GABRG3: variants seen among roughly 807,000 people sequenced by gnomAD.
GABRG3 encodes gamma-aminobutyric acid receptor subunit gamma-3.
Under a neutral mutation model 48.8 loss-of-function variants are expected in GABRG3, and 25 were observed. That is an observed-to-expected ratio of 0.51 (90% CI 0.37 to 0.72). The LOEUF (loss-of-function observed/expected upper bound fraction) is 0.72. GABRG3 is among the 30% of genes least tolerant of loss of function. The probability of loss-of-function intolerance (pLI) is 0.00; values close to 1 mark genes in which losing one functional copy is unlikely to be tolerated. For synonymous variants in GABRG3, 227 were observed against 217.6 expected (o/e 1.04, Z -0.38); for missense variants, 394 against 577.9 (o/e 0.68, Z 3.26).
chr15:27,229,729 G>A (rs1310127692), intron 3 of GABRG3, among the ~76,000 whole-genome samples: 2 of 151,918 alleles, frequency 1.3e-5, no homozygotes, highest in African/African-American at 2.4e-5. Context: ...TGCCCGCCTC[G>A]GACCCCCAAA....
rs1889970228 is a variant in GABRG3 at position 27,236,475 on chromosome 15, C to G, written c.271-90334C>G. Among the ~76,000 whole-genome samples, 1 of 152,210 alleles carries G rather than the reference C, an allele frequency of 6.6e-6. No individual in the cohort carries two copies. Among genetic ancestry groups the G allele is most frequent in the African/African-American group, 2.4e-5 (1 of 41,462 alleles). Reference sequence around the variant, plus strand: ...AGTGTACCCTTCCTCAGTAACCTTTCACCAGAATTCTCTCTAAGCAGGAAG... The same window carrying G: ...AGTGTACCCTTCCTCAGTAACCTTTGACCAGAATTCTCTCTAAGCAGGAAG... On this transcript the variant is annotated intron_variant, in intron 3 of 9. Coordinates refer to ENST00000615808, the MANE Select transcript of GABRG3 (RefSeq NM_033223.5). The surrounding 1 kb of genome is among the most constrained non-coding windows in gnomAD (Gnocchi z 4.4).
chr15:27,455,634 C>T (rs1204455573), intron 5 of GABRG3, among the ~76,000 whole-genome samples: 2 of 139,140 alleles, frequency 1.4e-5, no homozygotes, highest in African/African-American at 5.6e-5. Flanking sequence ...ATATGTATGC[C>T]GTGGGTGGTT....
intron 3 of GABRG3, among the ~76,000 whole-genome samples, chr15:27,307,769 C>A (rs1892693209): frequency 1.9e-5 from 2 of 105,248 alleles, no homozygotes; most frequent in African/African-American, 3.9e-5. Flanking sequence ...ATAAAATAAA[C>A]ATATGTTTAT....
chr15:27,289,227 T>A (rs1475892856), intron 3 of GABRG3, among the ~76,000 whole-genome samples: 1 of 152,150 alleles, frequency 6.6e-6, no homozygotes, highest in African/African-American at 2.4e-5. Context: ...TTTGTATTTG[T>A]ACATTATTTC....
chr15:27,387,614 C>T (rs1341199058), intron 5 of GABRG3, among the ~76,000 whole-genome samples: 2 of 151,670 alleles, frequency 1.3e-5, no homozygotes, highest in African/African-American at 4.8e-5. Flanking sequence ...CCAGATTCCT[C>T]CTTTTTAGGT....
At chr15:27,225,681 G>C (rs961555587) in intron 3 of GABRG3, among the ~76,000 whole-genome samples, 4 of 152,096 alleles carry the variant, frequency 2.6e-5, no homozygotes, top group Non-Finnish European at 5.9e-5. Context: ...CCCAGGAATG[G>C]TGTGAGGGAC....
At chr15:27,349,935 C>CTT (rs371119700) in intron 5 of GABRG3, among the ~76,000 whole-genome samples, 44 of 144,322 alleles carry the variant, frequency 3.0e-4, no homozygotes, top group Non-Finnish European at 3.3e-4. Context: ...GCCCTAAGGT[C>CTT]TTTTTTTTTT....
chr15:27,205,956 C>G (rs1044795729), intron 3 of GABRG3, among the ~76,000 whole-genome samples: 1 of 151,868 alleles, frequency 6.6e-6, no homozygotes, highest in Non-Finnish European at 1.5e-5. Context: ...TGGATCTTCT[C>G]TTTTTAAAAA....
chr15:27,504,712 C>T (rs2150855869), intron 6 of GABRG3, among the ~76,000 whole-genome samples: 1 of 152,028 alleles, frequency 6.6e-6, no homozygotes, highest in Admixed American at 6.6e-5. Context: ...TCTTCCCCCA[C>T]CACCGCCCCA....
Position 27,534,410 on chromosome 15 carries a change from A to G in GABRG3, c.*1529A>G, listed in dbSNP as rs1342912173. The G allele has an allele frequency of 2.6e-5, 4 of 152,202 alleles. No homozygotes were observed. The highest frequency in any genetic ancestry group is 5.9e-5 in the Non-Finnish European group (4 of 68,046). 9.4% of individuals were successfully genotyped at this position (152,202 alleles called of 1,614,324 possible). On this transcript the variant is annotated 3_prime_UTR_variant, in exon 10 of 10. Coordinates refer to ENST00000615808, the MANE Select transcript of GABRG3 (RefSeq NM_033223.5). ...AGTTCTTTGTTATAACTGGATGCCA[A>G]TGTGAACTGCAGAAGACTGTTTTGA...
In GABRG3 at chr15:27,206,803, A is replaced by C. The variant is rs535364040; in HGVS notation, c.271-120006A>C. On this transcript the variant is annotated intron_variant, in intron 3 of 9. Coordinates refer to ENST00000615808, the MANE Select transcript of GABRG3 (RefSeq NM_033223.5). The stretch of plus-strand genomic sequence containing the variant: ...TGAATGGAACCCTTTATTATTAGGT[A>C]ATATCCTTCTGTGTCCTTTTGATCA... Among the ~76,000 whole-genome samples the C allele has an allele frequency of 3.3e-5, 5 of 152,236 alleles. No homozygotes were observed. In the South Asian group the frequency reaches 8.3e-4, roughly 25 times the overall value.
intron 3 of GABRG3, among the ~76,000 whole-genome samples, chr15:27,100,386 A>G (rs993642439): frequency 6.6e-6 from 1 of 152,210 alleles, no homozygotes; most frequent in Non-Finnish European, 1.5e-5. Context: ...TAACTGGAGA[A>G]TTTTACCAGT....
intron 3 of GABRG3, among the ~76,000 whole-genome samples, chr15:27,253,233 T>C (rs141254663): frequency 8.5e-4 from 130 of 152,320 alleles, no homozygotes; most frequent in African/African-American, 2.9e-3. Flanking sequence ...GCCCATCTTT[T>C]TCACATGGGA....
intron 5 of GABRG3, among the ~76,000 whole-genome samples, chr15:27,418,336 G>A (rs529168386): frequency 1.7e-4 from 26 of 152,352 alleles, no homozygotes; most frequent in Non-Finnish European, 3.4e-4. Context: ...ACAAAACACA[G>A]CAAGGCTGTC....
intron 6 of GABRG3, among the ~76,000 whole-genome samples, chr15:27,488,569 T>C (rs1345027224): frequency 3.3e-5 from 5 of 152,224 alleles, no homozygotes; most frequent in African/African-American, 1.2e-4. Flanking sequence ...GCAATCATTG[T>C]CTGGCATTCA....
At chr15:27,466,975 G>A (rs1373731377) in intron 5 of GABRG3, among the ~76,000 whole-genome samples, 1 of 152,226 alleles carries the variant, frequency 6.6e-6, no homozygotes, top group Non-Finnish European at 1.5e-5. Flanking sequence ...CATCAACTCA[G>A]TAATGACTGG....
At chr15:27,053,013 C>A (rs1464734526) in intron 3 of GABRG3, among the ~76,000 whole-genome samples, 2 of 152,176 alleles carry the variant, frequency 1.3e-5, no homozygotes, top group Non-Finnish European at 2.9e-5. Flanking sequence ...AAAATTAACT[C>A]AAGGCGGATT....
At chr15:27,133,252 A>G (rs1359949159) in intron 3 of GABRG3, among the ~76,000 whole-genome samples, 2 of 152,118 alleles carry the variant, frequency 1.3e-5, no homozygotes, top group African/African-American at 2.4e-5. Flanking sequence ...CTTTTTTTCT[A>G]CCAGCCTATT....
At chr15:27,002,736 G>A (rs1198832280) in intron 2 of GABRG3, among the ~76,000 whole-genome samples, 2 of 93,900 alleles carry the variant, frequency 2.1e-5, no homozygotes, top group Non-Finnish European at 4.2e-5. Flanking sequence ...TAGTGAGACC[G>A]TGTCTCTCAA....
Sources: allele counts gnomAD v4.1 joint callset (sites outside exome capture counted in the v4.1 genomes callset), GRCh38; gene constraint gnomAD v4.1.1; non-coding constraint Gnocchi (gnomAD v3.1); transcripts MANE v1.5; gene names NCBI Gene and HGNC (gene_info 2026-07-23, HGNC 2026-07-21).